The following PRPS1 variants were observed in gnomAD, a reference collection of about 807,000 sequenced individuals.
PRPS1 encodes ribose-phosphate pyrophosphokinase 1.
PRPS1 carries 1 observed loss-of-function variant against 16.9 expected under a neutral mutation model. The observed-to-expected ratio is 0.06, with a 90% CI of 0.02 to 0.28. The LOEUF is 0.28. Among genes scored for constraint, PRPS1 ranks in the 10% least tolerant of loss-of-function variants. The probability of loss-of-function intolerance (pLI) is 1.00; values close to 1 mark genes in which losing one functional copy is unlikely to be tolerated. For missense variants in PRPS1, 47 were observed against 254.0 expected, an observed-to-expected ratio of 0.19 and a Z score of 5.54; for synonymous variants, 70 against 90.2, an observed-to-expected ratio of 0.78 and a Z score of 1.27.
Position 107,650,272 on chromosome X carries a change from T to A in PRPS1, c.*240T>A. 2 of 527,046 alleles carry A rather than the reference T, an allele frequency of 3.8e-6. No homozygotes were observed. Among genetic ancestry groups the A allele is most frequent in the Non-Finnish European group, 6.0e-6 (2 of 335,338 alleles). The allele number at this position is 527,046 out of a possible 1,213,427, so 43.4% of individuals were successfully genotyped here. On this transcript the variant is annotated 3_prime_UTR_variant, in exon 7 of 7. Transcript: ENST00000372435. ...GATAATTCTGTGGGCCTTGCAGCTT[T>A]AACTATAGCTCAGCTGCTGCAAGAT... is the stretch of plus-strand genomic sequence containing the variant.
chrX:107,640,877 C>CT, intron 2 of PRPS1, 25 bp from the exon 3 acceptor site: 3 of 1,208,111 alleles, frequency 2.5e-6, no homozygotes, highest in Non-Finnish European at 3.4e-6. Context: ...TTTGGTTTTT[C>CT]TTTTCTTTCC....
At chrX:107,633,154 G>A (rs1274761004) in intron 1 of PRPS1, among the ~76,000 whole-genome samples, 2 of 111,291 alleles carry the variant, frequency 1.8e-5, no homozygotes, top group African/African-American at 6.5e-5. Context: ...CGGGTGCGGT[G>A]GCTCACGTCT....
intron 1 of PRPS1, among the ~76,000 whole-genome samples, chrX:107,634,827 A>T: frequency 9.9e-6 from 1 of 101,116 alleles, no homozygotes; most frequent in Admixed American, 1.1e-4. Flanking sequence ...ATAATGATAA[A>T]GTTTTTTGTT....
Position 107,650,218 on chromosome X carries a change from T to C in PRPS1, c.*186T>C. 1.3e-6 allele frequency: 1 copy of C among 788,454 alleles called. No individual in the cohort carries two copies. The allele number at this position is 788,454 out of a possible 1,213,427, so 65.0% of individuals were successfully genotyped here. A position where few individuals can be genotyped will look rare whatever the true frequency, so the allele number is the denominator to read the frequency against. ...ATTGAGATTAACTGCTGGGACCTCC[T>C]ACCTGCATTATCTCATTCTGGCTTC... On this transcript the variant is annotated 3_prime_UTR_variant, in exon 7 of 7. Coordinates refer to ENST00000372435, the MANE Select transcript of PRPS1 (RefSeq NM_002764.4).
intron 1 of PRPS1, among the ~76,000 whole-genome samples, chrX:107,631,853 A>G (rs1925314066): frequency 9.0e-6 from 1 of 111,432 alleles, no homozygotes; most frequent in South Asian, 3.7e-4. Flanking sequence ...CGCCCAGCTA[A>G]TATTTTGTAT....
intron 5 of PRPS1, 97 bp from the exon 6 acceptor site, chrX:107,647,509 T>A: frequency 1.1e-6 from 1 of 917,764 alleles, no homozygotes; most frequent in Non-Finnish European, 1.6e-6. Context: ...ATATGATATT[T>A]TGTTGTGGAA....
intron 1 of PRPS1, among the ~76,000 whole-genome samples, chrX:107,629,796 A>G (rs1212629539): frequency 2.7e-5 from 3 of 111,980 alleles, no homozygotes; most frequent in African/African-American, 9.7e-5. Flanking sequence ...CTTCCACCTA[A>G]GTGTGGGATC....
chrX:107,648,424 CT>C (rs772036314), intron 6 of PRPS1, among the ~76,000 whole-genome samples: 4,644 of 94,829 alleles, frequency 0.049, 156 homozygotes, highest in African/African-American at 0.13. Flanking sequence ...GGATTATCAT[CT>C]TTTTTTTTTT....
chrX:107,642,785 G>C (rs979989973), intron 4 of PRPS1, among the ~76,000 whole-genome samples: 3 of 111,860 alleles, frequency 2.7e-5, no homozygotes, highest in Non-Finnish European at 5.6e-5. Flanking sequence ...CTTTTGGGAA[G>C]GGTAGAAAAT....
rs1425902579 is a variant in PRPS1, at chrX:107,642,664, G to T, written c.530+174G>T. ...ACCCTTTCCTCTTTTACTGTCCTCA[G>T]TTACTACTCGGAAGACAAGACAGAA... On this transcript the variant is annotated intron_variant, in intron 4 of 6. Coordinates refer to ENST00000372435, the MANE Select transcript of PRPS1 (RefSeq NM_002764.4). The T allele has an allele frequency of 2.8e-5, 15 of 530,244 alleles. No homozygotes were observed. In the East Asian group the frequency reaches 4.0e-4, roughly 14 times the overall value. 43.7% of individuals were successfully genotyped at this position (530,244 alleles called of 1,213,427 possible). A position where few individuals can be genotyped will look rare whatever the true frequency, so the allele number is the denominator to read the frequency against.
At chrX:107,635,967 G>A (rs1925427062) in intron 1 of PRPS1, among the ~76,000 whole-genome samples, 1 of 105,734 alleles carries the variant, frequency 9.5e-6, no homozygotes, top group African/African-American at 3.5e-5. Context: ...GGCTGAGGCA[G>A]GAGAATCACT....
Position 107,650,190 on chromosome X carries a change from C to T in PRPS1, c.*158C>T, listed in dbSNP as rs777440100. On this transcript the variant is annotated 3_prime_UTR_variant, in exon 7 of 7. Transcript: ENST00000372435. ...AGAGCTTATCCGAACTGGGGAAAGA[C>T]GGATTGAGATTAACTGCTGGGACCT... 7.3e-4 allele frequency: 725 copies of T among 999,828 alleles called. 1 individual carries two copies. Among genetic ancestry groups the T allele is most frequent in the Non-Finnish European group, 9.1e-4 (674 of 742,184 alleles). 82.4% of individuals were successfully genotyped at this position (999,828 alleles called of 1,213,427 possible).
intron 3 of PRPS1, 151 bp from the exon 4 acceptor site, chrX:107,642,215 G>C: frequency 1.2e-6 from 1 of 814,309 alleles, no homozygotes; most frequent in Non-Finnish European, 1.8e-6. Context: ...GATTCAAGGA[G>C]GCTTTTATAA....
At chrX:107,643,077 T>G (rs1925613510) in intron 4 of PRPS1, among the ~76,000 whole-genome samples, 1 of 112,487 alleles carries the variant, frequency 8.9e-6, no homozygotes, top group African/African-American at 3.2e-5. Context: ...TAGTAATGCA[T>G]TCAAAAGTGT....
chrX:107,632,536 T>C (rs933033981), intron 1 of PRPS1, among the ~76,000 whole-genome samples: 1 of 112,629 alleles, frequency 8.9e-6, no homozygotes, highest in Non-Finnish European at 1.9e-5. Flanking sequence ...AGCTAGTTTT[T>C]TCACTCATTG....
chrX:107,638,113 T>A (rs927807878), intron 1 of PRPS1, among the ~76,000 whole-genome samples: 7 of 108,195 alleles, frequency 6.5e-5, no homozygotes, highest in Non-Finnish European at 9.6e-5. Context: ...TAATTTTTTT[T>A]TTTTATTTTT....
At chrX:107,637,521 A>G (rs749919993) in intron 1 of PRPS1, among the ~76,000 whole-genome samples, 75 of 111,556 alleles carry the variant, frequency 6.7e-4, no homozygotes, top group Non-Finnish European at 1.1e-3. Context: ...ATCAAATTTT[A>G]TGTACATCAC....
chrX:107,650,051 T>C lies in PRPS1; in HGVS notation c.*19T>C, dbSNP rs1473699164. On this transcript the variant is annotated 3_prime_UTR_variant, in exon 7 of 7. Transcript: ENST00000372435. ...TTTATAATAGAGTAACTTCTGAGGC[T>C]TTTTGAGAATAAAATCCACCCCACC... 1.7e-6 allele frequency: 2 copies of C among 1,210,064 alleles called. No homozygotes were observed. Among genetic ancestry groups the C allele is most frequent in the African/African-American group, 3.5e-5 (2 of 57,271 alleles).
chrX:107,635,081 T>C (rs902459083), intron 1 of PRPS1, among the ~76,000 whole-genome samples: 1 of 111,885 alleles, frequency 8.9e-6, no homozygotes, highest in African/African-American at 3.2e-5. Context: ...GACCTCGTGA[T>C]CCGCCCGCCT....
Sources: allele counts gnomAD v4.1 joint callset (sites outside exome capture counted in the v4.1 genomes callset), GRCh38; gene constraint gnomAD v4.1.1; transcripts MANE v1.5; gene names NCBI Gene and HGNC (gene_info 2026-07-23, HGNC 2026-07-21).